Variants in VPS37A observed in about 807,000 individuals in gnomAD.
The protein encoded by VPS37A is vacuolar protein sorting-associated protein 37A.
In VPS37A, 30 loss-of-function variants were observed where a neutral mutation model predicts 49.8. That is an observed-to-expected ratio of 0.60 (90% CI 0.45 to 0.82). VPS37A has a LOEUF of 0.82. Among genes scored for constraint, VPS37A ranks in the 40% least tolerant of loss-of-function variants. The pLI, the probability that VPS37A is intolerant of heterozygous loss-of-function variation, is 0.00. For synonymous variants in VPS37A, 195 were observed against 160.6 expected, an observed-to-expected ratio of 1.21 and a Z score of -1.62; for missense variants, 593 against 464.4, an observed-to-expected ratio of 1.28 and a Z score of -2.55.
intron 2 of VPS37A, among the ~76,000 whole-genome samples, 172 bp downstream of exon 2, chr8:17,266,153 G>A (rs1379322345): frequency 6.6e-6 from 1 of 152,078 alleles, no homozygotes; most frequent in Non-Finnish European, 1.5e-5. Flanking sequence ...CACTGTTATA[G>A]TGTTATAAGA....
chr8:17,273,564 C>G (rs1478868642), intron 4 of VPS37A, among the ~76,000 whole-genome samples: 9 of 152,112 alleles, frequency 5.9e-5, no homozygotes, highest in African/African-American at 1.9e-4. Flanking sequence ...GACGGGGTTT[C>G]ACCGTGTTAG....
intron 4 of VPS37A, 22 bp from the exon 5 acceptor site, chr8:17,274,711 G>A: frequency 6.3e-7 from 1 of 1,577,494 alleles, no homozygotes; most frequent in South Asian, 1.1e-5. Flanking sequence ...CTAATGTAAT[G>A]ATCTTCTCTT....
At chr8:17,248,476 A>G (rs534198221) in intron 1 of VPS37A, 36 of 431,888 alleles carry the variant, frequency 8.3e-5, no homozygotes, top group South Asian at 3.1e-4. Context: ...GGGTTTCACC[A>G]CATTGGTCAG....
chr8:17,309,473 C>T, the VPS37A span: 5 of 661,184 alleles, frequency 7.6e-6, no homozygotes, highest in South Asian at 5.0e-5. Flanking sequence ...CATTATCCAC[C>T]CATATAGAGA....
chr8:17,257,564 A>T (rs529320934), intron 1 of VPS37A, among the ~76,000 whole-genome samples: 1 of 152,300 alleles, frequency 6.6e-6, no homozygotes, highest in East Asian at 1.9e-4. Context: ...GCAGCAAACC[A>T]CCATGGCACG....
chr8:17,254,185 T>C (rs980858676), intron 1 of VPS37A, among the ~76,000 whole-genome samples: 1 of 152,196 alleles, frequency 6.6e-6, no homozygotes, highest in Non-Finnish European at 1.5e-5. Flanking sequence ...TTGTGAATAC[T>C]TACTGTTTGC....
chr8:17,281,184 C>G (rs1034500054), intron 9 of VPS37A, among the ~76,000 whole-genome samples: 1 of 152,000 alleles, frequency 6.6e-6, no homozygotes, highest in Non-Finnish European at 1.5e-5. Flanking sequence ...ATGTCTTGCA[C>G]CGCATGAAGC....
intron 11 of VPS37A, among the ~76,000 whole-genome samples, chr8:17,288,441 A>G (rs78100620): frequency 2.0e-5 from 3 of 152,116 alleles, no homozygotes; most frequent in Admixed American, 6.5e-5. Context: ...TCATTGTTCA[A>G]TTCCCACTTA....
chr8:17,330,245 C>A, the VPS37A span, among the ~76,000 whole-genome samples: 2 of 152,180 alleles, frequency 1.3e-5, no homozygotes, highest in Admixed American at 6.5e-5. Context: ...TAATTCAGCA[C>A]CTTATTTGTC....
At chr8:17,323,545 G>C in the VPS37A span, among the ~76,000 whole-genome samples, 1 of 151,954 alleles carries the variant, frequency 6.6e-6, no homozygotes, top group South Asian at 2.1e-4. Flanking sequence ...TGGATGTAAA[G>C]TGGTAGGCAC....
chr8:17,308,496 G>C, the VPS37A span, among the ~76,000 whole-genome samples: 1 of 152,138 alleles, frequency 6.6e-6, no homozygotes, highest in Non-Finnish European at 1.5e-5. Flanking sequence ...AAATATACTT[G>C]AGCAGTTGCA....
the VPS37A span, among the ~76,000 whole-genome samples, chr8:17,317,127 T>C: frequency 4.6e-5 from 7 of 152,348 alleles, no homozygotes; most frequent in African/African-American, 1.7e-4. Flanking sequence ...TGCTTGCTTA[T>C]ATGTGTGTGT....
the VPS37A span, among the ~76,000 whole-genome samples, chr8:17,321,721 T>C: frequency 6.6e-6 from 1 of 152,212 alleles, no homozygotes; most frequent in African/African-American, 2.4e-5. Context: ...ACAAAGTTCA[T>C]TTCAGCTGAC....
chr8:17,314,318 A>G, the VPS37A span, among the ~76,000 whole-genome samples: 1 of 152,174 alleles, frequency 6.6e-6, no homozygotes, highest in African/African-American at 2.4e-5. Flanking sequence ...CAGTAAACAC[A>G]CATAGGGAAA....
Position 17,297,702 on chromosome 8 carries a change from T to C in VPS37A, c.*2716T>C, listed in dbSNP as rs1468318260. ...TCTCAATAAAACACTTCCTGATTAATGTTTGATTATTAGATATTTTAGTCT... is the reference window on the plus strand; with the variant it reads ...TCTCAATAAAACACTTCCTGATTAACGTTTGATTATTAGATATTTTAGTCT... On this transcript the variant is annotated 3_prime_UTR_variant, in exon 12 of 12. Transcript: ENST00000324849. The C allele has an allele frequency of 1.3e-5, 2 of 152,114 alleles. No individual in the cohort carries two copies. Among genetic ancestry groups the C allele is most frequent in the Non-Finnish European group, 2.9e-5 (2 of 67,936 alleles). 9.4% of individuals were successfully genotyped at this position (152,114 alleles called of 1,614,324 possible).
chr8:17,280,267 G>T lies in VPS37A; in HGVS notation c.870G>T (p.Leu290Phe). The stretch of plus-strand genomic sequence containing the variant: ...AAAATCTCCTTTTGGAGCCCAGCTT[G>T]GAAGCCAAAAGACAAACTGTTTTAG... ...ARKNLLLEPS[L>F]EAKRQTVLDK... Residue 290 changes from leucine to phenylalanine, a missense_variant, in exon 8 of 12, where the codon TTG (leucine) becomes TTT (phenylalanine). Leu to Phe is a conservative substitution (Grantham distance 22). Transcript: ENST00000324849. 4 of 1,612,604 alleles carry T rather than the reference G, an allele frequency of 2.5e-6. No homozygotes were observed. Among genetic ancestry groups the T allele is most frequent in the South Asian group, 1.1e-5 (1 of 90,786 alleles).
intron 1 of VPS37A, among the ~76,000 whole-genome samples, chr8:17,257,889 A>T (rs190242524): frequency 6.6e-5 from 10 of 152,142 alleles, no homozygotes; most frequent in Non-Finnish European, 1.2e-4. Flanking sequence ...GGTATTTTAT[A>T]TTCTTTGTAA....
downstream of VPS37A, chr8:17,302,034 G>T: frequency 1.5e-6 from 2 of 1,342,988 alleles, no homozygotes; most frequent in Non-Finnish European, 1.0e-6. Flanking sequence ...TGTTTCAGGT[G>T]TTCTACTGAC....
intron 5 of VPS37A, 85 bp downstream of exon 5, chr8:17,275,043 G>C: frequency 8.0e-7 from 1 of 1,257,490 alleles, no homozygotes; most frequent in Non-Finnish European, 1.1e-6. Context: ...CTGTGTGCCA[G>C]ATAATAAGTT....
Sources: gnomAD v4.1 joint callset for allele counts (sites outside exome capture counted in the v4.1 genomes callset) on GRCh38, gnomAD v4.1.1 for gene constraint, MANE v1.5 for transcripts, NCBI Gene and HGNC (gene_info 2026-07-23, HGNC 2026-07-21) for gene names.